LSAMP: variants seen among roughly 807,000 people sequenced by gnomAD.
The protein encoded by LSAMP is limbic system associated membrane protein, also known as limbic system-associated membrane protein.
LSAMP carries 7 observed loss-of-function variants against 38.6 expected under a neutral mutation model. That is an observed-to-expected ratio of 0.18 (90% CI 0.10 to 0.34). The LOEUF (loss-of-function observed/expected upper bound fraction) is 0.34. Ranked by LOEUF, LSAMP falls within the 10% of genes least tolerant of loss-of-function variation. The pLI, the probability that LSAMP is intolerant of heterozygous loss-of-function variation, is 1.00. For synonymous variants in LSAMP, 154 were observed against 166.8 expected (o/e 0.92, Z 0.59); for missense variants, 313 against 420.0 (o/e 0.75, Z 2.23).
At chr3:116,167,704 C>A (rs773303635) in intron 1 of LSAMP, among the ~76,000 whole-genome samples, 2 of 152,194 alleles carry the variant, frequency 1.3e-5, no homozygotes, top group Non-Finnish European at 2.9e-5. Flanking sequence ...TGCCTCTGCC[C>A]TCATGGAGAA....
intron 1 of LSAMP, among the ~76,000 whole-genome samples, chr3:116,303,092 C>T (rs184446230): frequency 8.2e-4 from 122 of 149,608 alleles, no homozygotes; most frequent in Non-Finnish European, 2.3e-4. Context: ...CCATGAATGC[C>T]AAAAAAATGA....
intron 1 of LSAMP, among the ~76,000 whole-genome samples, chr3:116,129,824 G>A (rs1368582629): frequency 6.6e-6 from 1 of 152,178 alleles, no homozygotes; most frequent in Non-Finnish European, 1.5e-5. Context: ...CAGCCCTTCG[G>A]GGATGTACCG....
intron 1 of LSAMP, among the ~76,000 whole-genome samples, chr3:116,096,442 T>C (rs1367641565): frequency 6.6e-6 from 1 of 152,236 alleles, no homozygotes; most frequent in Non-Finnish European, 1.5e-5. Context: ...CTGTCTTGCA[T>C]CTGATAGCCC....
chr3:115,965,037 G>A (rs1317064556), intron 3 of LSAMP, among the ~76,000 whole-genome samples: 1 of 152,034 alleles, frequency 6.6e-6, no homozygotes, highest in Non-Finnish European at 1.5e-5. Flanking sequence ...TAAAATTTAT[G>A]TGCATGAACA....
chr3:115,804,474 A>G lies in LSAMP; in HGVS notation c.*5843T>C, dbSNP rs1933585162. 6.6e-6 allele frequency: 1 copy of G among 152,088 alleles called. No individual in the cohort carries two copies. The highest frequency in any genetic ancestry group is 1.9e-4 in the East Asian group (1 of 5,186). 9.4% of individuals were successfully genotyped at this position (152,088 alleles called of 1,614,324 possible). On this transcript the variant is annotated 3_prime_UTR_variant, in exon 7 of 7. Transcript: ENST00000490035. ...TGACTCCCAATTCAATACACCTTCT[A>G]CCTCACTTTAAAGTTGTCAGTTTAT...
Position 115,880,907 on chromosome 3 carries a change from G to A in LSAMP, c.515-28290C>T, listed in dbSNP as rs984792228. Reference sequence around the variant, plus strand: ...AAAAAAATGAGCCAGGTGTGGTAGCGGGCACCTGTAATCCCAGCTACTTGG... The same window carrying A: ...AAAAAAATGAGCCAGGTGTGGTAGCAGGCACCTGTAATCCCAGCTACTTGG... On this transcript the variant is annotated intron_variant, in intron 3 of 6. Coordinates refer to ENST00000490035, the MANE Select transcript of LSAMP (RefSeq NM_002338.5). 1.5e-4 allele frequency among the ~76,000 whole-genome samples: 22 copies of A among 151,700 alleles called. 1 individual carries two copies. Among genetic ancestry groups the A allele is most frequent in the Admixed American group, 7.9e-4 (12 of 15,226 alleles).
At chr3:116,271,548 G>A (rs1018341783) in intron 1 of LSAMP, among the ~76,000 whole-genome samples, 1 of 152,080 alleles carries the variant, frequency 6.6e-6, no homozygotes, top group Admixed American at 6.6e-5. Flanking sequence ...TTTGGTGGAA[G>A]AATCAAAATA....
At chr3:115,866,436 C>T (rs1373188565) in intron 3 of LSAMP, among the ~76,000 whole-genome samples, 1 of 152,070 alleles carries the variant, frequency 6.6e-6, no homozygotes, top group African/African-American at 2.4e-5. Context: ...GTCATTTACA[C>T]CCAAAGTTGA....
chr3:115,977,258 T>C (rs1263042197), intron 3 of LSAMP, among the ~76,000 whole-genome samples: 1 of 152,176 alleles, frequency 6.6e-6, no homozygotes, highest in Non-Finnish European at 1.5e-5. Context: ...TTATGCTCAA[T>C]GTAGAAAAGA....
At chr3:115,834,879 C>G (rs1576126089) in intron 6 of LSAMP, among the ~76,000 whole-genome samples, 1 of 151,894 alleles carries the variant, frequency 6.6e-6, no homozygotes. Flanking sequence ...TGGAAAAAAC[C>G]CACCACCAAG....
At chr3:116,247,145 C>G (rs1333320157) in intron 1 of LSAMP, among the ~76,000 whole-genome samples, 1 of 152,214 alleles carries the variant, frequency 6.6e-6, no homozygotes, top group Non-Finnish European at 1.5e-5. Flanking sequence ...TCACAGAACT[C>G]TGATCTCAAC....
chr3:116,269,728 A>C (rs2046944203), intron 1 of LSAMP, among the ~76,000 whole-genome samples: 1 of 152,134 alleles, frequency 6.6e-6, no homozygotes, highest in South Asian at 2.1e-4. Context: ...TCCTGAGCAA[A>C]TGGGGACATA....
At chr3:116,154,629 C>T (rs1170088898) in intron 1 of LSAMP, among the ~76,000 whole-genome samples, 4 of 152,248 alleles carry the variant, frequency 2.6e-5, no homozygotes, top group South Asian at 4.1e-4. Flanking sequence ...GCATTCAGCT[C>T]CACTGGGCTC....
chr3:116,030,354 T>C lies in LSAMP; in HGVS notation c.389-10714A>G, dbSNP rs115689737. Among the ~76,000 whole-genome samples the C allele has an allele frequency of 4.6e-3, 701 of 152,268 alleles. 2 individuals are homozygous for C. Among genetic ancestry groups the C allele is most frequent in the African/African-American group, 0.016 (670 of 41,558 alleles). ...TCCCATGGACGGGTCATTGCCTTGC[T>C]AAATAAAAGCAAATGGAACCCTTCT... is the stretch of plus-strand genomic sequence containing the variant. On this transcript the variant is annotated intron_variant, in intron 2 of 6. Coordinates refer to ENST00000490035, the MANE Select transcript of LSAMP (RefSeq NM_002338.5).
At chr3:116,267,791 C>G (rs1474481947) in intron 1 of LSAMP, among the ~76,000 whole-genome samples, 1 of 152,082 alleles carries the variant, frequency 6.6e-6, no homozygotes, top group African/African-American at 2.4e-5. Flanking sequence ...ACCTATCTAT[C>G]TTCCTCTGTG....
chr3:116,115,012 G>A (rs1460160099), intron 1 of LSAMP, among the ~76,000 whole-genome samples: 1 of 152,122 alleles, frequency 6.6e-6, no homozygotes, highest in Non-Finnish European at 1.5e-5. Context: ...TGTTTTGCAT[G>A]TTATTCACCT....
intron 1 of LSAMP, among the ~76,000 whole-genome samples, chr3:116,283,983 G>GTGAT (rs1376404803): frequency 7.9e-5 from 12 of 152,198 alleles, no homozygotes; most frequent in African/African-American, 2.9e-4. Context: ...TCAAACCTGG[G>GTGAT]TGATAGAGTG....
At chr3:116,275,976 T>C (rs532042815) in intron 1 of LSAMP, among the ~76,000 whole-genome samples, 6 of 152,358 alleles carry the variant, frequency 3.9e-5, no homozygotes, top group South Asian at 2.1e-4. Context: ...TTTTGAACTA[T>C]GTATAATCAC....
chr3:115,953,612 T>C (rs58988518), intron 3 of LSAMP, among the ~76,000 whole-genome samples: 1 of 152,168 alleles, frequency 6.6e-6, no homozygotes, highest in Non-Finnish European at 1.5e-5. Flanking sequence ...TTGCTGCCAT[T>C]AACGTGATCT....
Sources: allele counts gnomAD v4.1 joint callset (sites outside exome capture counted in the v4.1 genomes callset), GRCh38; gene constraint gnomAD v4.1.1; transcripts MANE v1.5; gene names NCBI Gene and HGNC (gene_info 2026-07-23, HGNC 2026-07-21).